Variants in TNRC6C observed in about 807,000 individuals in gnomAD.
TNRC6C encodes trinucleotide repeat-containing gene 6C protein.
In TNRC6C, 20 loss-of-function variants were observed where a neutral mutation model predicts 153.7. The observed-to-expected ratio is 0.13, with a 90% confidence interval of 0.09 to 0.19. The LOEUF is 0.19. TNRC6C is among the 10% of genes least tolerant of loss of function. The probability of loss-of-function intolerance (pLI) is 1.00; values close to 1 mark genes in which losing one functional copy is unlikely to be tolerated. For synonymous variants in TNRC6C, 811 were observed against 841.4 expected, an observed-to-expected ratio of 0.96 and a Z score of 0.63; for missense variants, 1,987 against 2,172.0, an observed-to-expected ratio of 0.91 and a Z score of 1.69.
At chr17:78,041,428 C>T (rs1567930454) in intron 2 of TNRC6C, among the ~76,000 whole-genome samples, 1 of 152,194 alleles carries the variant, frequency 6.6e-6, no homozygotes, top group Non-Finnish European at 1.5e-5. Flanking sequence ...CCCCCAGTTT[C>T]CTTCTTTATT....
intron 1 of TNRC6C, among the ~76,000 whole-genome samples, chr17:78,005,398 G>T (rs2071479152): frequency 6.6e-6 from 1 of 152,066 alleles, no homozygotes. Context: ...ACAACCAAAG[G>T]ATATCTGCAT....
chr17:77,994,781 A>T (rs1424130151), intron 1 of TNRC6C, among the ~76,000 whole-genome samples: 1 of 152,172 alleles, frequency 6.6e-6, no homozygotes, highest in African/African-American at 2.4e-5. Context: ...GCAAGTGCCA[A>T]ATTCAAGCAA....
At chr17:77,957,724 C>G (rs924200945), upstream of TNRC6C, among the ~76,000 whole-genome samples, 2 of 152,246 alleles carry the variant, frequency 1.3e-5, no homozygotes, top group African/African-American at 4.8e-5. Context: ...AAAATCTTCT[C>G]CTGGCTTGAA....
intron 1 of TNRC6C, among the ~76,000 whole-genome samples, chr17:78,031,117 A>AAG: frequency 6.6e-6 from 1 of 151,852 alleles, no homozygotes; most frequent in Non-Finnish European, 1.5e-5. Flanking sequence ...AAAAAAAAAA[A>AAG]GAAAGAAAGA....
intron 14 of TNRC6C, among the ~76,000 whole-genome samples, chr17:78,092,281 A>G (rs1416384012): frequency 1.3e-5 from 2 of 152,224 alleles, no homozygotes; most frequent in Non-Finnish European, 1.5e-5. Context: ...ACGGAAAATC[A>G]TCACACACTG....
intron 13 of TNRC6C, 50 bp downstream of exon 15, chr17:78,087,143 G>C (rs902366116): frequency 3.8e-6 from 6 of 1,593,540 alleles, no homozygotes; most frequent in Non-Finnish European, 3.4e-6. Flanking sequence ...GAGGGTACCT[G>C]GAGTCCGTAT....
chr17:77,976,521 GTAT>G (rs913865102), intron 1 of TNRC6C, among the ~76,000 whole-genome samples: 1 of 152,174 alleles, frequency 6.6e-6, no homozygotes, highest in African/African-American at 2.4e-5. Context: ...GTCTCCTGTG[GTAT>G]TATCTTAATG....
chr17:77,959,209 G>A, upstream of TNRC6C: 1 of 146,644 alleles, frequency 6.8e-6, no homozygotes, highest in Non-Finnish European at 1.5e-5. Flanking sequence ...CGCCGCCGCC[G>A]CCAGGCCCGC....
chr17:78,041,226 T>TGA (rs1297865132), intron 2 of TNRC6C: 3 of 152,150 alleles, frequency 2.0e-5, no homozygotes, highest in Admixed American at 2.0e-4. Context: ...TTCCAGCGTG[T>TGA]GAGTGGTAGC....
At chr17:78,004,330 A>G (rs2143186990), upstream of TNRC6C, 3 of 1,231,330 alleles carry the variant, frequency 2.4e-6, no homozygotes, top group Middle Eastern at 3.1e-4. Context: ...TTGCATCATC[A>G]TAGCCATTAT....
At chr17:77,963,392 A>T (rs185339382) in intron 1 of TNRC6C, among the ~76,000 whole-genome samples, 3 of 152,358 alleles carry the variant, frequency 2.0e-5, no homozygotes, top group African/African-American at 2.4e-5. Context: ...ATGTAATTTT[A>T]AAAAATCTCC....
At chr17:78,065,676 C>G (rs2072862228) in intron 4 of TNRC6C, among the ~76,000 whole-genome samples, 1 of 152,124 alleles carries the variant, frequency 6.6e-6, no homozygotes, top group Non-Finnish European at 1.5e-5. Flanking sequence ...TATTGCCCTG[C>G]TTTCATCTTG....
chr17:77,997,432 C>G (rs1177661928), intron 1 of TNRC6C, among the ~76,000 whole-genome samples: 4 of 152,100 alleles, frequency 2.6e-5, no homozygotes, highest in African/African-American at 9.7e-5. Flanking sequence ...GTTTCCTCAT[C>G]CTTTTCTCCA....
intron 13 of TNRC6C, among the ~76,000 whole-genome samples, chr17:78,087,386 G>A (rs1012673848): frequency 3.3e-5 from 5 of 152,060 alleles, no homozygotes; most frequent in African/African-American, 1.2e-4. Context: ...TTAAAGTGCT[G>A]GGTTTATAGG....
chr17:78,074,845 G>A (rs1295621399), intron 7 of TNRC6C, among the ~76,000 whole-genome samples: 1 of 152,262 alleles, frequency 6.6e-6, no homozygotes, highest in Non-Finnish European at 1.5e-5. Context: ...AGGGCCAGCA[G>A]TGGCTGGTGT....
chr17:77,973,381 C>G (rs1303997095), intron 1 of TNRC6C, among the ~76,000 whole-genome samples: 3 of 152,170 alleles, frequency 2.0e-5, no homozygotes, highest in African/African-American at 7.2e-5. Flanking sequence ...ATACAAAACA[C>G]AGTAATATTA....
At chr17:77,978,465 A>G (rs1230059075) in intron 1 of TNRC6C, among the ~76,000 whole-genome samples, 1 of 152,188 alleles carries the variant, frequency 6.6e-6, no homozygotes, top group Non-Finnish European at 1.5e-5. Context: ...TAAAATGCTT[A>G]GGTAAATAAT....
Position 77,981,149 on chromosome 17 carries a change from A to T in TNRC6C, c.-38+21881A>T, listed in dbSNP as rs192798838. ...TACCATCATGCTAGGCTAATTTTTT[A>T]AAAAAAATTTTGTAGAGGTGGGGGT... On this transcript the variant is annotated intron_variant, in intron 1 of 22. Coordinates refer to the TNRC6C transcript ENST00000636222. Among the ~76,000 whole-genome samples the T allele has an allele frequency of 1.5e-3, 230 of 152,054 alleles. 2 individuals carry two copies. Among genetic ancestry groups the T allele is most frequent in the African/African-American group, 4.4e-3 (184 of 41,488 alleles).
At chr17:77,968,032 C>A (rs1184658898) in intron 1 of TNRC6C, among the ~76,000 whole-genome samples, 1 of 151,888 alleles carries the variant, frequency 6.6e-6, no homozygotes, top group Non-Finnish European at 1.5e-5. Flanking sequence ...TCTTATTATT[C>A]TTATTCTTAT....
Sources: allele counts gnomAD v4.1 joint callset (sites outside exome capture counted in the v4.1 genomes callset), GRCh38; gene constraint gnomAD v4.1.1; transcripts MANE v1.5; gene names NCBI Gene and HGNC (gene_info 2026-07-23, HGNC 2026-07-21).